CAB39: variants seen among roughly 807,000 people sequenced by gnomAD.
The protein encoded by CAB39 is calcium binding protein 39.
In CAB39, 8 loss-of-function variants were observed where a neutral mutation model predicts 40.0. That is an observed-to-expected ratio of 0.20 (90% CI 0.12 to 0.36). The LOEUF is 0.36. Ranked by LOEUF, CAB39 falls within the 10% of genes least tolerant of loss-of-function variation. CAB39 has a pLI of 1.00. For synonymous variants in CAB39, 156 were observed against 141.6 expected, an observed-to-expected ratio of 1.10 and a Z score of -0.72; for missense variants, 270 against 401.1, an observed-to-expected ratio of 0.67 and a Z score of 2.79.
chr2:230,747,629 A>G (rs765482701), intron 1 of CAB39, among the ~76,000 whole-genome samples: 1 of 152,358 alleles, frequency 6.6e-6, no homozygotes, highest in East Asian at 1.9e-4. Flanking sequence ...TTGCTGGCAA[A>G]TAAGGGGGAA....
intron 2 of CAB39, among the ~76,000 whole-genome samples, chr2:230,770,034 CAG>C (rs1382506171): frequency 6.6e-6 from 1 of 151,956 alleles, no homozygotes; most frequent in Non-Finnish European, 1.5e-5. Flanking sequence ...AAGCTTTACT[CAG>C]GGAAATTTCT....
rs10542723 is a variant in CAB39 at position 230,727,363 on chromosome 2, C to CGTGTGTGTGTGTGTGTGT, written c.-44+14152_-44+14169dup. ...TAGAGCACTTGAATAGATTGTTAAC[C>CGTGTGTGTGTGTGTGTGT]GTGTGTGTGTGTGTGTGTGTGTGTG... On this transcript the variant is annotated intron_variant, in intron 1 of 8. Coordinates refer to ENST00000258418, the MANE Select transcript of CAB39 (RefSeq NM_016289.4). Among the ~76,000 whole-genome samples, 176 of 126,940 alleles carry CGTGTGTGTGTGTGTGTGT rather than the reference C, an allele frequency of 1.4e-3. 1 individual carries two copies. The highest frequency in any genetic ancestry group is 5.2e-3 in the African/African-American group (162 of 31,238). The allele number at this position is 126,940 out of a possible 152,430, so 83.3% of individuals were successfully genotyped here.
chr2:230,794,546 T>G (rs1219736070), intron 4 of CAB39, among the ~76,000 whole-genome samples: 1 of 152,202 alleles, frequency 6.6e-6, no homozygotes, highest in Non-Finnish European at 1.5e-5. Flanking sequence ...AGAGGCATGA[T>G]ATGAATGTTG....
At chr2:230,801,650 T>C (rs895014528) in intron 5 of CAB39, among the ~76,000 whole-genome samples, 3 of 152,048 alleles carry the variant, frequency 2.0e-5, no homozygotes. Context: ...GGTGGGTGGA[T>C]CACCTGAGGT....
chr2:230,715,096 C>G (rs939119681), intron 1 of CAB39, among the ~76,000 whole-genome samples: 1 of 151,992 alleles, frequency 6.6e-6, no homozygotes, highest in African/African-American at 2.4e-5. Flanking sequence ...TGTATTTTTT[C>G]TTTGCATAAT....
chr2:230,783,476 T>TTGTTTTGTTC (rs1288830001), intron 2 of CAB39, among the ~76,000 whole-genome samples: 7 of 150,718 alleles, frequency 4.6e-5, no homozygotes, highest in Non-Finnish European at 1.0e-4. Flanking sequence ...TTGTTTTGTT[T>TTGTTTTGTTC]TGTTTGTTTT....
intron 1 of CAB39, among the ~76,000 whole-genome samples, chr2:230,734,793 G>A (rs1292600403): frequency 2.4e-5 from 3 of 125,262 alleles, no homozygotes. Flanking sequence ...GGATCCCAGA[G>A]GCATTCCACC....
intron 2 of CAB39, among the ~76,000 whole-genome samples, chr2:230,765,866 C>CA (rs1429337296): frequency 6.6e-6 from 1 of 152,040 alleles, no homozygotes; most frequent in Non-Finnish European, 1.5e-5. Context: ...CTGCCCTAAA[C>CA]CAGCATTGAA....
chr2:230,714,292 T>G (rs1004375016), intron 1 of CAB39, among the ~76,000 whole-genome samples: 3 of 152,144 alleles, frequency 2.0e-5, no homozygotes, highest in African/African-American at 7.2e-5. Flanking sequence ...AAGGCGCTCT[T>G]GTGAAAGGAG....
At chr2:230,816,114 C>A (rs959631417) in intron 7 of CAB39, among the ~76,000 whole-genome samples, 2 of 151,976 alleles carry the variant, frequency 1.3e-5, no homozygotes, top group African/African-American at 4.8e-5. Context: ...TCTCTAGCCC[C>A]AAAAATTAAT....
intron 1 of CAB39, among the ~76,000 whole-genome samples, chr2:230,748,433 C>T (rs1471905383): frequency 6.6e-6 from 1 of 152,120 alleles, no homozygotes; most frequent in African/African-American, 2.4e-5. Context: ...TGCGTATCCT[C>T]TATGAAATTC....
intron 1 of CAB39, among the ~76,000 whole-genome samples, chr2:230,725,916 G>T (rs1481623908): frequency 6.6e-6 from 1 of 152,182 alleles, no homozygotes; most frequent in East Asian, 1.9e-4. Context: ...GACTGCACTT[G>T]ATGTTGATTG....
rs76394825 is a variant in CAB39 at position 230,718,513 on chromosome 2, A to G, written c.-44+5283A>G. Among the ~76,000 whole-genome samples the G allele has an allele frequency of 4.2e-3, 640 of 152,322 alleles. 1 individual carries two copies. Among genetic ancestry groups the G allele is most frequent in the African/African-American group, 0.014 (587 of 41,570 alleles). ...AAGCGCAGGTGCAGCCAGACTGCCT[A>G]GATTTTGAACCCTCATTCCTCTGCT... On this transcript the variant is annotated intron_variant, in intron 1 of 8. Coordinates refer to ENST00000258418, the MANE Select transcript of CAB39 (RefSeq NM_016289.4).
At chr2:230,781,570 C>T (rs1695686812) in intron 2 of CAB39, among the ~76,000 whole-genome samples, 1 of 152,168 alleles carries the variant, frequency 6.6e-6, no homozygotes, top group African/African-American at 2.4e-5. Flanking sequence ...GCAGGCTTGG[C>T]AGGACCTGGA....
At chr2:230,766,154 G>A (rs1241081771) in intron 2 of CAB39, among the ~76,000 whole-genome samples, 2 of 152,158 alleles carry the variant, frequency 1.3e-5, no homozygotes, top group Non-Finnish European at 2.9e-5. Context: ...ATTGAAAACA[G>A]TGAAAAACAA....
intron 1 of CAB39, among the ~76,000 whole-genome samples, chr2:230,751,233 G>C (rs535057461): frequency 2.3e-4 from 35 of 152,190 alleles, no homozygotes; most frequent in Non-Finnish European, 4.9e-4. Flanking sequence ...TCGTGAGTCA[G>C]ATCTAACACA....
chr2:230,755,188 A>G (rs1284160785), intron 1 of CAB39, among the ~76,000 whole-genome samples: 1 of 152,102 alleles, frequency 6.6e-6, no homozygotes, highest in African/African-American at 2.4e-5. Context: ...TGGTAGTTCT[A>G]CTTTTAGTTC....
chr2:230,732,640 G>A (rs1291748942), intron 1 of CAB39, among the ~76,000 whole-genome samples: 1 of 152,134 alleles, frequency 6.6e-6, no homozygotes, highest in Non-Finnish European at 1.5e-5. Context: ...GGGTAAAATC[G>A]CTCAAAGATT....
At chr2:230,754,864 A>G (rs1695162550) in intron 1 of CAB39, among the ~76,000 whole-genome samples, 2 of 152,038 alleles carry the variant, frequency 1.3e-5, no homozygotes, top group African/African-American at 4.8e-5. Context: ...CAAGTCCCCA[A>G]AGTCCATTGT....
Sources: gnomAD v4.1 joint callset for allele counts (sites outside exome capture counted in the v4.1 genomes callset) on GRCh38, gnomAD v4.1.1 for gene constraint, MANE v1.5 for transcripts, NCBI Gene and HGNC (gene_info 2026-07-23, HGNC 2026-07-21) for gene names.